Variants in GRIN2A observed in about 807,000 individuals in gnomAD.
GRIN2A encodes the protein glutamate receptor ionotropic, NMDA 2A.
A neutral mutation model predicts 113.4 loss-of-function variants in GRIN2A; 22 were observed. The observed-to-expected ratio is 0.19, with a 90% confidence interval of 0.14 to 0.28. GRIN2A has a LOEUF of 0.28. Among genes scored for constraint, GRIN2A ranks in the 10% least tolerant of loss-of-function variants. The probability of loss-of-function intolerance (pLI) is 1.00; values close to 1 mark genes in which losing one functional copy is unlikely to be tolerated. For synonymous variants in GRIN2A, 827 were observed against 738.4 expected, an observed-to-expected ratio of 1.12 and a Z score of -1.94; for missense variants, 1,502 against 1,887.0, an observed-to-expected ratio of 0.80 and a Z score of 3.78.
intron 2 of GRIN2A, among the ~76,000 whole-genome samples, chr16:9,959,587 C>G (rs2045389308): frequency 6.6e-6 from 1 of 152,226 alleles, no homozygotes; most frequent in South Asian, 2.1e-4. Flanking sequence ...GCCGTTCTGA[C>G]TTAGTACACA....
At chr16:10,098,731 C>G (rs2048340399) in intron 2 of GRIN2A, among the ~76,000 whole-genome samples, 1 of 152,166 alleles carries the variant, frequency 6.6e-6, no homozygotes, top group South Asian at 2.1e-4. Context: ...ATTGTATGTT[C>G]TCACTTGTAA....
At chr16:9,914,192 T>A (rs2044197639) in intron 3 of GRIN2A, among the ~76,000 whole-genome samples, 1 of 151,884 alleles carries the variant, frequency 6.6e-6, no homozygotes, top group Non-Finnish European at 1.5e-5. Flanking sequence ...TGCCAAGTCA[T>A]CATTTAAAAA....
At chr16:10,112,909 G>A in intron 2 of GRIN2A, 1 of 443,494 alleles carries the variant, frequency 2.3e-6, no homozygotes, top group South Asian at 1.9e-5. Context: ...ATGAGGTGGT[G>A]GAGGGAGCAT....
intron 2 of GRIN2A, among the ~76,000 whole-genome samples, chr16:10,144,920 C>CAA (rs58751267): frequency 0.33 from 19,622 of 59,310 alleles, 4,218 homozygotes; most frequent in Middle Eastern, 0.45. Flanking sequence ...GACCCTGTCT[C>CAA]AAAAAAAAAA....
At chr16:10,106,194 T>G (rs1336098195) in intron 2 of GRIN2A, among the ~76,000 whole-genome samples, 3 of 149,638 alleles carry the variant, frequency 2.0e-5, no homozygotes, top group Non-Finnish European at 4.5e-5. Flanking sequence ...AGAGTTTTTT[T>G]TTTTTGTTTG....
chr16:9,755,456 A>G lies in GRIN2A; in HGVS notation c.*7693T>C, dbSNP rs551143310. On this transcript the variant is annotated 3_prime_UTR_variant, in exon 13 of 13. Transcript: ENST00000330684. Reference sequence around the variant, plus strand: ...AAAAGGCTTTTTACTGCCAGCTTGAAAGATGAAAACAGCTGAGAAATTTTT... The same window carrying G: ...AAAAGGCTTTTTACTGCCAGCTTGAGAGATGAAAACAGCTGAGAAATTTTT... The G allele has an allele frequency of 5.5e-6, 1 of 183,430 alleles. No homozygotes were observed. The highest frequency in any genetic ancestry group is 2.3e-5 in the African/African-American group (1 of 42,642). 11.4% of individuals were successfully genotyped at this position (183,430 alleles called of 1,614,324 possible). A position where few individuals can be genotyped will look rare whatever the true frequency, so the allele number is the denominator to read the frequency against.
intron 11 of GRIN2A, among the ~76,000 whole-genome samples, chr16:9,797,147 G>T (rs1903044180): frequency 6.6e-6 from 1 of 152,186 alleles, no homozygotes; most frequent in Non-Finnish European, 1.5e-5. Flanking sequence ...CACTGTAGTG[G>T]TAACTAGATT....
intron 2 of GRIN2A, among the ~76,000 whole-genome samples, chr16:10,091,334 CGCAGTG>C (rs899888222): frequency 6.6e-6 from 1 of 152,008 alleles, no homozygotes; most frequent in African/African-American, 2.4e-5. Context: ...GTTGGCTGGG[CGCAGTG>C]GATCACATCT....
At chr16:9,895,036 T>C (rs985570037) in intron 3 of GRIN2A, among the ~76,000 whole-genome samples, 5 of 152,180 alleles carry the variant, frequency 3.3e-5, no homozygotes, top group Non-Finnish European at 7.3e-5. Context: ...GCATCTCCTA[T>C]GTATCACACC....
intron 2 of GRIN2A, among the ~76,000 whole-genome samples, chr16:9,943,720 A>C (rs1351353686): frequency 6.6e-6 from 1 of 152,224 alleles, no homozygotes; most frequent in Non-Finnish European, 1.5e-5. Flanking sequence ...ATGGCAGCTC[A>C]GTCATCGTGA....
chr16:9,934,564 C>T (rs891794427), intron 3 of GRIN2A, among the ~76,000 whole-genome samples: 2 of 149,954 alleles, frequency 1.3e-5, no homozygotes, highest in African/African-American at 4.9e-5. Context: ...ACCTGTAGTC[C>T]CAGTTACTTA....
chr16:10,025,198 A>T (rs916601505), intron 2 of GRIN2A, among the ~76,000 whole-genome samples: 1 of 152,028 alleles, frequency 6.6e-6, no homozygotes, highest in Non-Finnish European at 1.5e-5. Flanking sequence ...GTGCAGCTGA[A>T]TCATAAAACT....
chr16:9,771,764 C>T (rs1901287927), intron 11 of GRIN2A, among the ~76,000 whole-genome samples: 1 of 152,120 alleles, frequency 6.6e-6, no homozygotes. Context: ...TTTGCTTCTG[C>T]CATGGTTCCA....
chr16:10,072,430 A>C (rs2047772426), intron 2 of GRIN2A, among the ~76,000 whole-genome samples: 1 of 152,216 alleles, frequency 6.6e-6, no homozygotes, highest in Admixed American at 6.5e-5. Context: ...CTTTGGCTGC[A>C]ATTTGGAAGT....
intron 2 of GRIN2A, among the ~76,000 whole-genome samples, chr16:10,041,860 A>G (rs1339070857): frequency 6.6e-6 from 1 of 152,124 alleles, no homozygotes; most frequent in Non-Finnish European, 1.5e-5. Flanking sequence ...TTGGAAGTAA[A>G]CCACCTCCTT....
At chr16:9,986,649 C>T (rs2045983907) in intron 2 of GRIN2A, among the ~76,000 whole-genome samples, 1 of 151,504 alleles carries the variant, frequency 6.6e-6, no homozygotes, top group South Asian at 2.1e-4. Context: ...CCTGTAATCC[C>T]AGCTACTTGG....
chr16:10,040,142 C>T (rs1205678798), intron 2 of GRIN2A, among the ~76,000 whole-genome samples: 1 of 28,456 alleles, frequency 3.5e-5, no homozygotes, highest in African/African-American at 1.3e-4. Flanking sequence ...TCACACCACA[C>T]ATACACACTC....
At chr16:9,986,700 G>C (rs1414695380) in intron 2 of GRIN2A, among the ~76,000 whole-genome samples, 2 of 150,054 alleles carry the variant, frequency 1.3e-5, no homozygotes, top group African/African-American at 2.5e-5. Context: ...AGGAGACGGA[G>C]GTTGCAATGA....
At chr16:9,777,144 A>T (rs1196053205) in intron 11 of GRIN2A, among the ~76,000 whole-genome samples, 2 of 152,142 alleles carry the variant, frequency 1.3e-5, no homozygotes, top group Non-Finnish European at 2.9e-5. Flanking sequence ...CCACCCTCCC[A>T]GATGCAGCAG....
Sources: allele counts gnomAD v4.1 joint callset (sites outside exome capture counted in the v4.1 genomes callset), GRCh38; gene constraint gnomAD v4.1.1; transcripts MANE v1.5; gene names NCBI Gene and HGNC (gene_info 2026-07-23, HGNC 2026-07-21).